Variants in EFHC1 observed in about 807,000 individuals in gnomAD.
The protein encoded by EFHC1 is EF-hand domain-containing protein 1.
In EFHC1, 53 loss-of-function variants were observed where a neutral mutation model predicts 69.9. That is an observed-to-expected ratio of 0.76 (90% CI 0.61 to 0.95). EFHC1 has a LOEUF of 0.95. Among genes scored for constraint, EFHC1 ranks in the 40% least tolerant of loss-of-function variants. EFHC1 has a pLI of 0.00. For missense variants in EFHC1, 739 were observed against 798.7 expected, an observed-to-expected ratio of 0.93 and a Z score of 0.90; for synonymous variants, 256 against 278.4, an observed-to-expected ratio of 0.92 and a Z score of 0.80.
At position 52,497,029 on chromosome 6, in the gene EFHC1, G is replaced by A. The variant is rs1171935174; in HGVS notation, c.*4688G>A. 2 of 152,140 alleles carry A rather than the reference G, an allele frequency of 1.3e-5. No homozygotes were observed. The highest frequency in any genetic ancestry group is 6.5e-5 in the Admixed American group (1 of 15,270). 9.4% of individuals were successfully genotyped at this position (152,140 alleles called of 1,614,324 possible). ...CATATTTGTTGGCCTTTACACAAAC[G>A]AAACCCCATTTCCTCCAAGCTAAAT... On this transcript the variant is annotated 3_prime_UTR_variant, in exon 11 of 11. Transcript: ENST00000371068.
intron 9 of EFHC1, chr6:52,482,866 C>G (rs1172129419): frequency 5.0e-6 from 2 of 398,456 alleles, no homozygotes; most frequent in African/African-American, 4.1e-5. Context: ...AGTCAGCTTT[C>G]TCTTCTATAA....
chr6:52,457,641 C>G (rs1353182085), intron 5 of EFHC1, among the ~76,000 whole-genome samples: 1 of 152,080 alleles, frequency 6.6e-6, no homozygotes, highest in Non-Finnish European at 1.5e-5. Context: ...TTGCATATTA[C>G]CAATAGGTGG....
rs753714678 is a variant in EFHC1 at position 52,490,369 on chromosome 6, T to A, written c.1851+19T>A. 6.9e-6 allele frequency: 11 copies of A among 1,602,328 alleles called. No individual in the cohort carries two copies. Among genetic ancestry groups the A allele is most frequent in the Non-Finnish European group, 9.4e-6 (11 of 1,169,460 alleles). On this transcript the variant is annotated intron_variant, in intron 10 of 10. Transcript: ENST00000371068. ...TAAGGAGGTCAGTATGAATTACTCTTCTGAGTTCATTGCAGAGGCTAGGCA... is the reference window on the plus strand; with the variant it reads ...TAAGGAGGTCAGTATGAATTACTCTACTGAGTTCATTGCAGAGGCTAGGCA...
chr6:52,469,290 C>T lies in EFHC1; in HGVS notation c.1138-43C>T, dbSNP rs1765381215. 5.0e-6 allele frequency: 8 copies of T among 1,612,438 alleles called. No individual in the cohort carries two copies. In the East Asian group the frequency reaches 1.6e-4, roughly 31 times the overall value. On this transcript the variant is annotated intron_variant, in intron 6 of 10. Transcript: ENST00000371068. ...AGTTACCTTTAATGTAATCTTAACA[C>T]AAGTAGTATCTGCCTTACTTCTTGC...
chr6:52,447,288 T>C (rs1764808539), intron 3 of EFHC1, among the ~76,000 whole-genome samples: 1 of 152,216 alleles, frequency 6.6e-6, no homozygotes, highest in Non-Finnish European at 1.5e-5. Context: ...TCTAAACTTC[T>C]CTTCTCACTT....
chr6:52,480,426 T>C (rs960133247), intron 9 of EFHC1, among the ~76,000 whole-genome samples: 1 of 152,202 alleles, frequency 6.6e-6, no homozygotes, highest in African/African-American at 2.4e-5. Context: ...CTATTATGTG[T>C]CAGAGACTAT....
rs1765933370 is a variant in EFHC1 at position 52,492,624 on chromosome 6, A to G, written c.*283A>G. 2 of 512,118 alleles carry G rather than the reference A, an allele frequency of 3.9e-6. No individual in the cohort carries two copies. Among genetic ancestry groups the G allele is most frequent in the Non-Finnish European group, 7.5e-6 (2 of 266,502 alleles). The allele number at this position is 512,118 out of a possible 1,614,324, so 31.7% of individuals were successfully genotyped here. ...CCTTTCTTTCTTTTTAAAAAAATAA[A>G]TTTTTTTAGAGATGGGATCTCACTC... is the stretch of plus-strand genomic sequence containing the variant. On this transcript the variant is annotated 3_prime_UTR_variant, in exon 11 of 11. Coordinates refer to ENST00000371068, the MANE Select transcript of EFHC1 (RefSeq NM_018100.4).
intron 2 of EFHC1, among the ~76,000 whole-genome samples, chr6:52,428,526 C>A (rs1764351252): frequency 6.6e-6 from 1 of 152,128 alleles, no homozygotes; most frequent in African/African-American, 2.4e-5. Flanking sequence ...TAATTCATTC[C>A]TTTTTATGGC....
chr6:52,495,558 C>A lies in EFHC1; in HGVS notation c.*3217C>A, dbSNP rs1297058198. ...GATTTAGGAAAGTCTCATTTAGCAT[C>A]CTCTAGCCTGCTTTTGGCTGTTTTG... On this transcript the variant is annotated 3_prime_UTR_variant, in exon 11 of 11. Coordinates refer to ENST00000371068, the MANE Select transcript of EFHC1 (RefSeq NM_018100.4). 2 of 453,948 alleles carry A rather than the reference C, an allele frequency of 4.4e-6. No individual in the cohort carries two copies. Among genetic ancestry groups the A allele is most frequent in the Non-Finnish European group, 8.8e-6 (2 of 226,788 alleles). 28.1% of individuals were successfully genotyped at this position (453,948 alleles called of 1,614,324 possible).
chr6:52,462,165 A>G (rs1765182018), intron 5 of EFHC1, among the ~76,000 whole-genome samples: 1 of 151,600 alleles, frequency 6.6e-6, no homozygotes, highest in South Asian at 2.1e-4. Flanking sequence ...ATATAACATG[A>G]AAAAAACCGT....
Position 52,494,177 on chromosome 6 carries a change from T to C in EFHC1, c.*1836T>C. On this transcript the variant is annotated 3_prime_UTR_variant, in exon 11 of 11. Transcript: ENST00000371068. ...AAATATCACAAGTTGAAAACACATT[T>C]AATAACCCTGATAAGCCCATTGTAA... The C allele has an allele frequency of 2.2e-6, 1 of 454,132 alleles. No homozygotes were observed. The highest frequency in any genetic ancestry group is 4.4e-6 in the Non-Finnish European group (1 of 226,794). 28.1% of individuals were successfully genotyped at this position (454,132 alleles called of 1,614,324 possible).
At position 52,494,569 on chromosome 6, in the gene EFHC1, C is replaced by A. The variant is rs1169260593; in HGVS notation, c.*2228C>A. 1 of 454,114 alleles carries A rather than the reference C, an allele frequency of 2.2e-6. No homozygotes were observed. The highest frequency in any genetic ancestry group is 1.6e-5 in the South Asian group (1 of 64,476). 28.1% of individuals were successfully genotyped at this position (454,114 alleles called of 1,614,324 possible). A position where few individuals can be genotyped will look rare whatever the true frequency, so the allele number is the denominator to read the frequency against. On this transcript the variant is annotated 3_prime_UTR_variant, in exon 11 of 11. Coordinates refer to ENST00000371068, the MANE Select transcript of EFHC1 (RefSeq NM_018100.4). Reference sequence around the variant, plus strand: ...ACATGTGCCGAAAGGCTGACTCTTTCTCCCAGAGCACCTTTTCTCTCTTTT... The same window carrying A: ...ACATGTGCCGAAAGGCTGACTCTTTATCCCAGAGCACCTTTTCTCTCTTTT...
chr6:52,431,645 T>A (rs1764416264), intron 2 of EFHC1, among the ~76,000 whole-genome samples: 1 of 152,166 alleles, frequency 6.6e-6, no homozygotes, highest in African/African-American at 2.4e-5. Context: ...TGGAGAAAGT[T>A]CTATGCGCTG....
intron 3 of EFHC1, among the ~76,000 whole-genome samples, chr6:52,443,675 GT>G (rs1365705201): frequency 6.6e-6 from 1 of 152,196 alleles, no homozygotes; most frequent in Admixed American, 6.5e-5. Flanking sequence ...GTACCATGTT[GT>G]TTTGGTTACT....
rs182159218 is a variant in EFHC1, at chr6:52,448,989, G to T, written c.574-3699G>T. Among the ~76,000 whole-genome samples, 390 of 152,284 alleles carry T rather than the reference G, an allele frequency of 2.6e-3. 3 individuals carry two copies. The highest frequency in any genetic ancestry group is 3.6e-3 in the Non-Finnish European group (243 of 68,030). On this transcript the variant is annotated intron_variant, in intron 3 of 10. Transcript: ENST00000371068. ...GCCTGAAGTTTTCTTTTTCTGTTGT[G>T]TCTCTGCCAGGTTTTGGTATCAGAA...
chr6:52,441,513 T>C (rs1764664263), intron 3 of EFHC1, among the ~76,000 whole-genome samples: 1 of 152,154 alleles, frequency 6.6e-6, no homozygotes, highest in Non-Finnish European at 1.5e-5. Flanking sequence ...AGCCCTGTAG[T>C]ATAGTTTGAA....
intron 9 of EFHC1, 59 bp downstream of exon 9, chr6:52,479,846 G>T: frequency 6.2e-7 from 1 of 1,602,550 alleles, no homozygotes. Context: ...TAATTCTTGA[G>T]AAAACAAATG....
chr6:52,426,219 A>G (rs546498863), intron 2 of EFHC1, among the ~76,000 whole-genome samples: 5 of 152,176 alleles, frequency 3.3e-5, no homozygotes, highest in Non-Finnish European at 7.3e-5. Context: ...CCCTACCCAC[A>G]GCCCCAGAAT....
At chr6:52,488,275 A>C (rs1294556496) in intron 9 of EFHC1, 4 of 152,254 alleles carry the variant, frequency 2.6e-5, no homozygotes, top group African/African-American at 9.6e-5. Context: ...AATTACATTC[A>C]TCAGATAAAC....
Sources: allele counts gnomAD v4.1 joint callset (sites outside exome capture counted in the v4.1 genomes callset), GRCh38; gene constraint gnomAD v4.1.1; transcripts MANE v1.5; gene names NCBI Gene and HGNC (gene_info 2026-07-23, HGNC 2026-07-21).